The following PCDH15 variants were observed in gnomAD, a reference collection of about 807,000 sequenced individuals.
The protein encoded by PCDH15 is protocadherin-15.
PCDH15 carries 129 observed loss-of-function variants against 178.5 expected under a neutral mutation model. That is an observed-to-expected ratio of 0.72 (90% CI 0.63 to 0.84). The LOEUF (loss-of-function observed/expected upper bound fraction) is 0.84, where lower values mean the gene tolerates loss of function less well. PCDH15 is among the 40% of genes least tolerant of loss of function. The pLI is 0.00. For synonymous variants in PCDH15, 800 were observed against 732.0 expected (o/e 1.09, Z -1.50); for missense variants, 2,230 against 2,099.9 (o/e 1.06, Z -1.21).
chr10:54,971,960 A>T (rs1440576367), intron 2 of PCDH15, among the ~76,000 whole-genome samples: 1 of 152,172 alleles, frequency 6.6e-6, no homozygotes, highest in Non-Finnish European at 1.5e-5. Flanking sequence ...CACCTTCCCC[A>T]GGCAGGACAC....
chr10:53,895,401 ATTTTC>A (rs974149507), intron 26 of PCDH15, among the ~76,000 whole-genome samples: 6 of 152,070 alleles, frequency 3.9e-5, no homozygotes, highest in Non-Finnish European at 8.8e-5. Flanking sequence ...TCACAATATT[ATTTTC>A]TTTTAGTCCA....
Position 54,093,592 on chromosome 10 carries a change from AT to A in PCDH15, c.1918-3530del, listed in dbSNP as rs569247350. ...ATGTGTGTATATGTGCCCTAAACATATTTCTATCAGCAATATTTAAATGTTT... is the reference window on the plus strand; with the variant it reads ...ATGTGTGTATATGTGCCCTAAACATATTCTATCAGCAATATTTAAATGTTT... On this transcript the variant is annotated intron_variant, in intron 15 of 37. Coordinates refer to ENST00000644397, the MANE Select transcript of PCDH15 (RefSeq NM_001384140.1). Among the ~76,000 whole-genome samples the A allele has an allele frequency of 3.3e-5, 5 of 152,312 alleles. No homozygotes were observed. In the South Asian group the frequency reaches 1.0e-3, roughly 32 times the overall value.
At chr10:54,393,493 A>G (rs1251066046) in intron 3 of PCDH15, among the ~76,000 whole-genome samples, 1 of 152,206 alleles carries the variant, frequency 6.6e-6, no homozygotes, top group Non-Finnish European at 1.5e-5. Flanking sequence ...AATATAGAAC[A>G]CAAGTATTGG....
At chr10:54,206,424 G>T (rs911837706) in intron 10 of PCDH15, among the ~76,000 whole-genome samples, 2 of 151,980 alleles carry the variant, frequency 1.3e-5, no homozygotes, top group African/African-American at 4.8e-5. Context: ...TGATAAAGGG[G>T]TAACTTTTTT....
At chr10:53,893,715 T>C (rs552746203) in intron 26 of PCDH15, among the ~76,000 whole-genome samples, 1 of 152,206 alleles carries the variant, frequency 6.6e-6, no homozygotes, top group Non-Finnish European at 1.5e-5. Flanking sequence ...AAATACTGTA[T>C]GTTCTCATCT....
At chr10:54,044,078 T>TGCCTCC (rs2093607916) in intron 18 of PCDH15, among the ~76,000 whole-genome samples, 1 of 152,090 alleles carries the variant, frequency 6.6e-6, no homozygotes, top group African/African-American at 2.4e-5. Flanking sequence ...CCTTATAGTA[T>TGCCTCC]TGGCAGCACC....
chr10:54,922,683 C>T (rs1165929861), intron 2 of PCDH15, among the ~76,000 whole-genome samples: 1 of 152,062 alleles, frequency 6.6e-6, no homozygotes, highest in African/African-American at 2.4e-5. Flanking sequence ...TACCCACAAT[C>T]TTCTTTGACA....
At chr10:55,159,683 GAT>G (rs909928521) in intron 2 of PCDH15, among the ~76,000 whole-genome samples, 6 of 146,834 alleles carry the variant, frequency 4.1e-5, no homozygotes, top group African/African-American at 9.9e-5. Flanking sequence ...TTTATAAAGA[GAT>G]ATATTTCTTA....
intron 2 of PCDH15, among the ~76,000 whole-genome samples, chr10:55,374,414 C>T (rs961021372): frequency 1.3e-5 from 2 of 152,132 alleles, no homozygotes; most frequent in Admixed American, 1.3e-4. Flanking sequence ...CATTCCAGTG[C>T]TTGACTGAAT....
At chr10:54,855,971 G>A (rs1010523082) in intron 3 of PCDH15, among the ~76,000 whole-genome samples, 2 of 152,120 alleles carry the variant, frequency 1.3e-5, no homozygotes, top group African/African-American at 2.4e-5. Flanking sequence ...CAAAGAGGGT[G>A]TTTTTTCATA....
chr10:54,166,683 C>G (rs1193634654), intron 13 of PCDH15, among the ~76,000 whole-genome samples: 1 of 152,166 alleles, frequency 6.6e-6, no homozygotes, highest in African/African-American at 2.4e-5. Context: ...AACTGTCAGG[C>G]CTCTGAGCCC....
intron 2 of PCDH15, among the ~76,000 whole-genome samples, chr10:54,533,159 T>C (rs2084109455): frequency 6.6e-6 from 1 of 152,250 alleles, no homozygotes; most frequent in African/African-American, 2.4e-5. Context: ...AGTGTGGTGA[T>C]GTTTTTGTAA....
At chr10:54,209,803 A>T (rs543996985) in intron 10 of PCDH15, among the ~76,000 whole-genome samples, 7 of 152,230 alleles carry the variant, frequency 4.6e-5, no homozygotes, top group African/African-American at 1.4e-4. Context: ...TCATTGAATC[A>T]GGGTGTTCTC....
intron 2 of PCDH15, among the ~76,000 whole-genome samples, chr10:55,361,576 A>G (rs1282347623): frequency 1.3e-5 from 2 of 152,042 alleles, no homozygotes; most frequent in African/African-American, 2.4e-5. Flanking sequence ...AGATAAAGGA[A>G]TTATTTGATA....
intron 13 of PCDH15, among the ~76,000 whole-genome samples, chr10:54,158,278 G>A (rs56191847): frequency 0.21 from 32,703 of 152,122 alleles, 3,896 homozygotes; most frequent in Non-Finnish European, 0.25. Flanking sequence ...TCTATATGGC[G>A]GGGAGGTCTC....
Position 54,523,921 on chromosome 10 carries a change from G to A in PCDH15, c.157+3891C>T, listed in dbSNP as rs1224629320. Among the ~76,000 whole-genome samples, 3 of 152,046 alleles carry A rather than the reference G, an allele frequency of 2.0e-5. No individual in the cohort carries two copies. The East Asian group carries it at 5.8e-4, about 29-fold the overall frequency. On this transcript the variant is annotated intron_variant, in intron 3 of 37. Transcript: ENST00000644397. ...TAGAGAAGAAAGGCCTTAAAGACAG[G>A]GAATGGTAAAATCTAAGACCTCAAG...
chr10:55,495,830 C>T (rs777041069), intron 2 of PCDH15, among the ~76,000 whole-genome samples: 4 of 151,922 alleles, frequency 2.6e-5, no homozygotes, highest in South Asian at 2.1e-4. Flanking sequence ...GGAAACAATC[C>T]ATGTGCCTTT....
intron 3 of PCDH15, among the ~76,000 whole-genome samples, chr10:54,435,472 T>G (rs1805623075): frequency 6.6e-6 from 1 of 152,196 alleles, no homozygotes; most frequent in African/African-American, 2.4e-5. Context: ...TGGACTATAT[T>G]GCAGACAAAG....
At chr10:54,242,618 A>T (rs911161981) in intron 8 of PCDH15, among the ~76,000 whole-genome samples, 19 of 150,090 alleles carry the variant, frequency 1.3e-4, no homozygotes, top group Admixed American at 1.3e-3. Context: ...CAGTAAACTT[A>T]AAAAAATGAC....
Sources: allele counts gnomAD v4.1 joint callset (sites outside exome capture counted in the v4.1 genomes callset), GRCh38; gene constraint gnomAD v4.1.1; transcripts MANE v1.5; gene names NCBI Gene and HGNC (gene_info 2026-07-23, HGNC 2026-07-21).